Variants in TACC2 observed in about 807,000 individuals in gnomAD.
The protein encoded by TACC2 is transforming acidic coiled-coil containing protein 2, also known as transforming acidic coiled-coil-containing protein 2.
In TACC2, 137 loss-of-function variants were observed where a neutral mutation model predicts 227.3. The ratio of observed to expected loss-of-function variants is 0.60; its 90% CI spans 0.52 to 0.69. TACC2 has a LOEUF of 0.69. Among genes scored for constraint, TACC2 ranks in the 30% least tolerant of loss-of-function variants. TACC2 has a pLI of 0.00. For missense variants in TACC2, 3,470 were observed against 3,694.4 expected, an observed-to-expected ratio of 0.94 and a Z score of 1.57; for synonymous variants, 1,523 against 1,487.5, an observed-to-expected ratio of 1.02 and a Z score of -0.55.
At chr10:122,029,662 C>T (rs1021436974) in intron 2 of TACC2, among the ~76,000 whole-genome samples, 11 of 152,230 alleles carry the variant, frequency 7.2e-5, no homozygotes, top group East Asian at 3.9e-4. Context: ...GCTTCGGGCA[C>T]GCCTCCCAGT....
chr10:122,253,742 A>G (rs138185312), intron 22 of TACC2, among the ~76,000 whole-genome samples: 74 of 152,364 alleles, frequency 4.9e-4, no homozygotes, highest in African/African-American at 1.7e-3. Flanking sequence ...CTTCTCAGAA[A>G]GAAACATGTT....
intron 1 of TACC2, among the ~76,000 whole-genome samples, chr10:121,995,582 G>A (rs1953350892): frequency 6.6e-6 from 1 of 152,134 alleles, no homozygotes; most frequent in Non-Finnish European, 1.5e-5. Context: ...AGACTGAGTA[G>A]TTTATAAAGA....
intron 5 of TACC2, among the ~76,000 whole-genome samples, chr10:122,091,120 C>T (rs2080765552): frequency 6.6e-6 from 1 of 152,090 alleles, no homozygotes; most frequent in African/African-American, 2.4e-5. Flanking sequence ...TGATGGTGTT[C>T]CTATTCACTT....
intron 8 of TACC2, among the ~76,000 whole-genome samples, chr10:122,202,121 CT>C (rs1201906340): frequency 6.8e-6 from 1 of 146,608 alleles, no homozygotes; most frequent in Non-Finnish European, 1.5e-5. Flanking sequence ...CATCTATAAG[CT>C]TTTGTTTTTC....
chr10:122,050,801 C>T lies in TACC2; in HGVS notation c.146+251C>T, dbSNP rs1313004654. 1 of 492,534 alleles carries T rather than the reference C, an allele frequency of 2.0e-6. No individual in the cohort carries two copies. The highest frequency in any genetic ancestry group is 3.4e-5 in the East Asian group (1 of 29,274). The allele number at this position is 492,534 out of a possible 1,614,324, so 30.5% of individuals were successfully genotyped here. On this transcript the variant is annotated intron_variant, in intron 3 of 22. Transcript: ENST00000369005. The surrounding 1 kb of genome is among the most constrained non-coding windows in gnomAD (Gnocchi z 4.6). ...AGTAATTATAGACTTCCATTCCAGC[C>T]ACACTCCAGAGTATCTTCATTGTCA...
chr10:122,013,662 C>T (rs1956212478), intron 1 of TACC2, among the ~76,000 whole-genome samples: 1 of 152,234 alleles, frequency 6.6e-6, no homozygotes. Flanking sequence ...ATGTCCTCCA[C>T]TGACACAGAA....
At chr10:122,200,562 G>A (rs1246172635) in intron 8 of TACC2, among the ~76,000 whole-genome samples, 3 of 139,504 alleles carry the variant, frequency 2.2e-5, no homozygotes, top group Non-Finnish European at 3.1e-5. Context: ...CAGTGGCTGC[G>A]TTCACATGGG....
intron 8 of TACC2, among the ~76,000 whole-genome samples, chr10:122,196,421 C>T (rs2094569431): frequency 6.6e-6 from 1 of 152,056 alleles, no homozygotes; most frequent in African/African-American, 2.4e-5. Flanking sequence ...CAGTCTGCAG[C>T]AGTGTCTGGA....
intron 2 of TACC2, among the ~76,000 whole-genome samples, chr10:122,040,959 T>TC (rs571258042): frequency 7.2e-5 from 11 of 151,982 alleles, no homozygotes; most frequent in Middle Eastern, 3.2e-3. Context: ...CTTGGGCAGG[T>TC]CCCCCCGGGT....
chr10:122,068,721 T>C (rs1591645017), intron 3 of TACC2, among the ~76,000 whole-genome samples: 1 of 151,408 alleles, frequency 6.6e-6, no homozygotes, highest in Non-Finnish European at 1.5e-5. Context: ...TGGAGTGCAG[T>C]GGTGCGATCT....
intron 7 of TACC2, among the ~76,000 whole-genome samples, chr10:122,167,885 C>T (rs1187274584): frequency 1.3e-5 from 2 of 151,998 alleles, no homozygotes; most frequent in African/African-American, 2.4e-5. Flanking sequence ...AGATCTTTTT[C>T]TTTTTCTTTC....
intron 7 of TACC2, among the ~76,000 whole-genome samples, chr10:122,168,650 C>T (rs764535973): frequency 6.6e-5 from 10 of 152,082 alleles, no homozygotes; most frequent in Non-Finnish European, 1.0e-4. Flanking sequence ...GGTACCCTGT[C>T]GAGGATGGGG....
chr10:122,147,907 C>G (rs762219669), intron 7 of TACC2, among the ~76,000 whole-genome samples: 3 of 152,158 alleles, frequency 2.0e-5, no homozygotes, highest in Non-Finnish European at 2.9e-5. Context: ...CTTCAGTGCA[C>G]TCTCCACCTC....
intron 21 of TACC2, 114 bp downstream of exon 21, chr10:122,249,270 C>T: frequency 1.3e-6 from 1 of 791,930 alleles, no homozygotes; most frequent in Admixed American, 2.3e-5. Flanking sequence ...GGGGCATCAT[C>T]CAAGTGTGTG....
intron 7 of TACC2, among the ~76,000 whole-genome samples, chr10:122,144,753 G>A (rs1232605824): frequency 6.6e-6 from 1 of 152,224 alleles, no homozygotes; most frequent in East Asian, 1.9e-4. Flanking sequence ...TCTGGATGAT[G>A]CCACCTAGAC....
chr10:122,253,980 T>C lies in TACC2; in HGVS notation c.8782-11T>C. 1 of 1,613,456 alleles carries C rather than the reference T, an allele frequency of 6.2e-7. No homozygotes were observed. The highest frequency in any genetic ancestry group is 1.3e-5 in the African/African-American group (1 of 75,054). ...AAACATCAGCAACTTCTTCCTTGTC[T>C]TCACTTGCAGAATAAAGAAATAGAA... On this transcript the variant is annotated splice_polypyrimidine_tract_variant and intron_variant, in intron 22 of 22. Coordinates refer to ENST00000369005, the MANE Select transcript of TACC2 (RefSeq NM_206862.4).
chr10:122,083,227 G>T lies in TACC2; in HGVS notation c.727G>T (p.Val243Leu), dbSNP rs774125717. 1 of 1,613,400 alleles carries T rather than the reference G, an allele frequency of 6.2e-7. No homozygotes were observed. The highest frequency in any genetic ancestry group is 8.5e-7 in the Non-Finnish European group (1 of 1,179,994). ...TCCCCCTGCAGAGTCCAGGCAGGGG[G>T]TGGCTTCTGTGCAAGTGACCCCTGA... ...GFPPAESRQGVASVQVTPEAP... is the reference protein window; with the variant it reads ...GFPPAESRQGLASVQVTPEAP... Residue 243 changes from valine to leucine, a missense_variant, in exon 4 of 23, where the codon GTG (valine) becomes TTG (leucine). Coordinates refer to ENST00000369005, the MANE Select transcript of TACC2 (RefSeq NM_206862.4).
At chr10:122,136,966 C>T (rs2089793082) in intron 6 of TACC2, among the ~76,000 whole-genome samples, 1 of 152,164 alleles carries the variant, frequency 6.6e-6, no homozygotes, top group African/African-American at 2.4e-5. Context: ...TCCCTGTTGC[C>T]TGCTAATTCT....
intron 2 of TACC2, among the ~76,000 whole-genome samples, chr10:122,031,070 T>C (rs928060625): frequency 6.6e-6 from 1 of 152,204 alleles, no homozygotes. Context: ...AATTAATTGA[T>C]GAATGGCCTG....
Sources: allele counts gnomAD v4.1 joint callset (sites outside exome capture counted in the v4.1 genomes callset), GRCh38; gene constraint gnomAD v4.1.1; non-coding constraint Gnocchi (gnomAD v3.1); transcripts MANE v1.5; gene names NCBI Gene and HGNC (gene_info 2026-07-23, HGNC 2026-07-21).